The following SLC5A12 variants were observed in gnomAD, a reference collection of about 807,000 sequenced individuals.
The protein encoded by SLC5A12 is sodium-coupled monocarboxylate transporter 2.
A neutral mutation model predicts 72.7 loss-of-function variants in SLC5A12; 46 were observed. The ratio of observed to expected loss-of-function variants is 0.63; its 90% CI spans 0.50 to 0.81. The LOEUF (loss-of-function observed/expected upper bound fraction) is 0.81. Among genes scored for constraint, SLC5A12 ranks in the 30% least tolerant of loss-of-function variants. The probability of loss-of-function intolerance (pLI) is 0.00; values close to 1 mark genes in which losing one functional copy is unlikely to be tolerated. For missense variants in SLC5A12, 683 were observed against 740.7 expected, an observed-to-expected ratio of 0.92 and a Z score of 0.90; for synonymous variants, 275 against 264.4, an observed-to-expected ratio of 1.04 and a Z score of -0.39.
At chr11:26,715,432 C>A (rs1390686266) in intron 1 of SLC5A12, among the ~76,000 whole-genome samples, 2 of 152,076 alleles carry the variant, frequency 1.3e-5, no homozygotes, top group African/African-American at 4.8e-5. Context: ...TGAGGACAAC[C>A]CTGAGACGCA....
intron 1 of SLC5A12, among the ~76,000 whole-genome samples, chr11:26,715,743 T>A (rs1187944783): frequency 6.6e-6 from 1 of 152,202 alleles, no homozygotes; most frequent in Non-Finnish European, 1.5e-5. Flanking sequence ...GGAACTCTTT[T>A]CTATCACATG....
chr11:26,723,126 A>G (rs1361581274), upstream of SLC5A12, among the ~76,000 whole-genome samples: 2 of 152,160 alleles, frequency 1.3e-5, no homozygotes, highest in Non-Finnish European at 2.9e-5. Context: ...ATTTTTAGAA[A>G]GGAGAAAACT....
rs1855364015 is a variant in SLC5A12 at position 26,716,931 on chromosome 11, A to C, written c.340-4225T>G. On this transcript the variant is annotated intron_variant, in intron 1 of 14. Coordinates refer to ENST00000396005, the MANE Select transcript of SLC5A12 (RefSeq NM_178498.4). ...TCCCATCATGTCACTTCCCTTCCCA[A>C]ACACTGTAATGACCCATCATTTCTA... Among the ~76,000 whole-genome samples the C allele has an allele frequency of 2.0e-5, 3 of 152,056 alleles. No individual in the cohort carries two copies. In the South Asian group the frequency reaches 6.2e-4, roughly 32 times the overall value.
At chr11:26,720,906 G>A (rs1855465001) in intron 1 of SLC5A12, among the ~76,000 whole-genome samples, 1 of 152,100 alleles carries the variant, frequency 6.6e-6, no homozygotes, top group Admixed American at 6.5e-5. Flanking sequence ...TGACGGAAAG[G>A]CCACTAAGTA....
At position 26,703,928 on chromosome 11, in the gene SLC5A12, A is replaced by G; in HGVS notation, c.545T>C (p.Val182Ala). 6.2e-7 allele frequency: 1 copy of G among 1,613,772 alleles called. No homozygotes were observed. Among genetic ancestry groups the G allele is most frequent in the Non-Finnish European group, 8.5e-7 (1 of 1,179,790 alleles). Reference sequence around the variant, plus strand: ...AACCATCTGAAATGCATCTGTCCACACCACTGCTTTTAATCCTCCCTGAAA... The same window carrying G: ...AACCATCTGAAATGCATCTGTCCACGCCACTGCTTTTAATCCTCCCTGAAA... Reference protein sequence around the residue: ...YCTLGGLKAVVWTDAFQMVVM... With the variant: ...YCTLGGLKAVAWTDAFQMVVM... Residue 182 changes from valine to alanine, a missense_variant, in exon 5 of 15, where the codon GTG (valine) becomes GCG (alanine). Val to Ala is a moderately conservative substitution (Grantham distance 64, BLOSUM62 0). Coordinates refer to ENST00000396005, the MANE Select transcript of SLC5A12 (RefSeq NM_178498.4).
rs1383681878 is a variant in SLC5A12, at chr11:26,721,691, A to G, written c.24T>C (p.Val8=). The G allele has an allele frequency of 6.2e-7, 1 of 1,613,828 alleles. No individual in the cohort carries two copies. Among genetic ancestry groups the G allele is most frequent in the Middle Eastern group, 1.7e-4 (1 of 6,058 alleles). ...GGGCTGCAAATACAACATAATCCCA[A>G]ACTGCAAAGTTCTTCACCTCCATAT... The part of the protein sequence containing the change: MEVKNFA[V]WDYVVFAALF... Residue 8 remains valine, a synonymous_variant, in exon 1 of 15, where the codon GTT becomes GTC. Transcript: ENST00000396005.
chr11:26,721,506 G>A lies in SLC5A12; in HGVS notation c.209C>T (p.Thr70Ile). 6.2e-7 allele frequency: 1 copy of A among 1,614,102 alleles called. No homozygotes were observed. The highest frequency in any genetic ancestry group is 8.5e-7 in the Non-Finnish European group (1 of 1,180,022). ...SFMSAVTVLG[T>I]PSEVYRFGAS... ...CCCAAAGCGGTAGACTTCAGAAGGGGTCCCCAGGACCGTGACAGCTGACAT... is the reference window on the plus strand; with the variant it reads ...CCCAAAGCGGTAGACTTCAGAAGGGATCCCCAGGACCGTGACAGCTGACAT... Residue 70 changes from threonine to isoleucine, a missense_variant, in exon 1 of 15, where the codon ACC becomes ATC. Transcript: ENST00000396005.
intron 13 of SLC5A12, among the ~76,000 whole-genome samples, chr11:26,677,521 C>G (rs1327509019): frequency 6.6e-6 from 1 of 152,136 alleles, no homozygotes; most frequent in Non-Finnish European, 1.5e-5. Flanking sequence ...GTATATCCCA[C>G]TAGCATCAAG....
rs578022884 is a variant in SLC5A12, at chr11:26,678,308, G to C, written c.1579+404C>G. ...TTTTTCATACTCAGGCCTCTGGGGG[G>C]CATGTGTCAAAGCATCTTTTTTTAA... On this transcript the variant is annotated intron_variant, in intron 13 of 14. Transcript: ENST00000396005. Among the ~76,000 whole-genome samples the C allele has an allele frequency of 2.9e-4, 44 of 152,194 alleles. 1 individual carries two copies. The highest frequency in any genetic ancestry group is 1.0e-3 in the African/African-American group (42 of 41,540).
intron 4 of SLC5A12, among the ~76,000 whole-genome samples, chr11:26,704,371 A>C (rs1386358780): frequency 6.6e-6 from 1 of 152,158 alleles, no homozygotes; most frequent in Non-Finnish European, 1.5e-5. Flanking sequence ...ATGTGTGAAG[A>C]AGCACAACTC....
At position 26,668,692 on chromosome 11, in the gene SLC5A12, G is replaced by A. The variant is rs1404483122; in HGVS notation, c.*2410C>T. On this transcript the variant is annotated 3_prime_UTR_variant, in exon 15 of 15. Coordinates refer to ENST00000396005, the MANE Select transcript of SLC5A12 (RefSeq NM_178498.4). ...TGAAACCCTAGATTTATGCATGTTT[G>A]TTCAATTAAGAAGAATGGGGGGAGT... 6.6e-6 allele frequency: 1 copy of A among 151,944 alleles called. No individual in the cohort carries two copies. Among genetic ancestry groups the A allele is most frequent in the Non-Finnish European group, 1.5e-5 (1 of 67,954 alleles). 9.4% of individuals were successfully genotyped at this position (151,944 alleles called of 1,614,324 possible). A position where few individuals can be genotyped will look rare whatever the true frequency, so the allele number is the denominator to read the frequency against.
At chr11:26,690,420 T>A (rs2133165971) in intron 9 of SLC5A12, among the ~76,000 whole-genome samples, 1 of 151,910 alleles carries the variant, frequency 6.6e-6, no homozygotes, top group East Asian at 1.9e-4. Context: ...TTCTTATACA[T>A]GAGAAACCTT....
At chr11:26,699,517 A>T (rs1414971057) in intron 6 of SLC5A12, among the ~76,000 whole-genome samples, 1 of 152,132 alleles carries the variant, frequency 6.6e-6, no homozygotes, top group Non-Finnish European at 1.5e-5. Flanking sequence ...AGTTTAGAAG[A>T]AGTTTTTATC....
chr11:26,675,027 C>T (rs959996313), intron 13 of SLC5A12, among the ~76,000 whole-genome samples: 2 of 152,118 alleles, frequency 1.3e-5, no homozygotes, highest in Non-Finnish European at 2.9e-5. Context: ...TTAATGTGTG[C>T]GTATGTGTGA....
In SLC5A12 at chr11:26,711,293, T is replaced by C; in HGVS notation, c.457+14A>G. The C allele has an allele frequency of 6.2e-7, 1 of 1,608,780 alleles. No individual in the cohort carries two copies. Among genetic ancestry groups the C allele is most frequent in the African/African-American group, 1.3e-5 (1 of 74,878 alleles). On this transcript the variant is annotated intron_variant, in intron 3 of 14. Coordinates refer to ENST00000396005, the MANE Select transcript of SLC5A12 (RefSeq NM_178498.4). ...AAAATGGTAAAATATGCCAAGAGAA[T>C]GCTGATAACTCACCTTGATTGAGTG...
chr11:26,677,491 C>T (rs1854292027), intron 13 of SLC5A12, among the ~76,000 whole-genome samples: 1 of 152,134 alleles, frequency 6.6e-6, no homozygotes, highest in South Asian at 2.1e-4. Flanking sequence ...GGTGACCGAT[C>T]ACTAAACTGA....
At chr11:26,716,567 G>A (rs530360761) in intron 1 of SLC5A12, among the ~76,000 whole-genome samples, 1 of 152,198 alleles carries the variant, frequency 6.6e-6, no homozygotes, top group Admixed American at 6.5e-5. Flanking sequence ...CCAACATTAT[G>A]ATGGATTATT....
intron 4 of SLC5A12, among the ~76,000 whole-genome samples, chr11:26,706,880 A>G (rs538968686): frequency 5.3e-5 from 8 of 150,572 alleles, no homozygotes; most frequent in African/African-American, 1.9e-4. Context: ...TATATAAATT[A>G]TAAAATAATG....
intron 1 of SLC5A12, among the ~76,000 whole-genome samples, chr11:26,721,058 G>T (rs773810845): frequency 3.9e-5 from 6 of 151,996 alleles, no homozygotes; most frequent in Non-Finnish European, 5.9e-5. Context: ...GAATGATGAC[G>T]TTCACAATAA....
Sources: allele counts gnomAD v4.1 joint callset (sites outside exome capture counted in the v4.1 genomes callset), GRCh38; gene constraint gnomAD v4.1.1; transcripts MANE v1.5; gene names NCBI Gene and HGNC (gene_info 2026-07-23, HGNC 2026-07-21).